Variants in MADD observed in about 807,000 individuals in gnomAD.
MADD encodes the protein MAP kinase-activating death domain protein.
In MADD, 109 loss-of-function variants were observed where a neutral mutation model predicts 176.7. That is an observed-to-expected ratio of 0.62 (90% confidence interval 0.53 to 0.72). The LOEUF is 0.72. Among genes scored for constraint, MADD ranks in the 30% least tolerant of loss-of-function variants. The probability of loss-of-function intolerance (pLI) is 0.00; values close to 1 mark genes in which losing one functional copy is unlikely to be tolerated. For synonymous variants in MADD, 771 were observed against 771.3 expected (o/e 1.00, Z 0.01); for missense variants, 1,914 against 2,045.5 (o/e 0.94, Z 1.24).
chr11:47,324,449 A>T (rs2095138007), intron 29 of MADD, 22 bp from the exon 33 acceptor site: 2 of 1,606,030 alleles, frequency 1.2e-6, no homozygotes, highest in African/African-American at 2.7e-5. Flanking sequence ...CAGTGAGCTG[A>T]TAGCCCCCTC....
rs374377879 is a variant in MADD, at chr11:47,290,567, C to T, written c.3095-43C>T. 3.4e-4 allele frequency: 537 copies of T among 1,577,432 alleles called. 8 individuals are homozygous for T. The Admixed American group carries it at 7.3e-3, about 22-fold the overall frequency. ...CCCACCTCATATCTGCGCCTTGATT[C>T]CTACTCACTACTTCTCTTGACCTCT... On this transcript the variant is annotated intron_variant, in intron 18 of 32. Transcript: ENST00000402192.
chr11:47,316,199 A>G (rs1478578956), intron 27 of MADD, among the ~76,000 whole-genome samples: 1 of 152,098 alleles, frequency 6.6e-6, no homozygotes, highest in Non-Finnish European at 1.5e-5. Context: ...AAAGATATCT[A>G]TATATAGATG....
exon 30 of MADD, chr11:47,324,550 G>A (rs1328281012): frequency 1.2e-6 from 2 of 1,613,806 alleles, no homozygotes; most frequent in South Asian, 1.1e-5. Flanking sequence ...CCCTGGAAGG[G>A]ATCAACCTCA....
rs759182916 is a variant in MADD at position 47,289,950 on chromosome 11, G to A, written c.2840G>A (p.Arg947His). The A allele has an allele frequency of 9.9e-6, 16 of 1,613,994 alleles. No homozygotes were observed. Among genetic ancestry groups the A allele is most frequent in the Non-Finnish European group, 1.3e-5 (15 of 1,180,038 alleles). ...GGCTGGCTCAACATGAAAAAGGTGC[G>A]CCGGCTGCTGGAGAGCGAGCAGCTG... is the stretch of plus-strand genomic sequence containing the variant. Residue 947 changes from arginine (R) to histidine (H), a missense_variant, in exon 17 of 33, where the codon CGC (arginine) becomes CAC (histidine). By Grantham distance (29) the Arg-to-His change is conservative. This residue lies in a region of MADD where 1,767 missense variants were observed against 1,836.0 expected (regional missense o/e 0.96). Coordinates refer to ENST00000402192, the Ensembl canonical transcript of MADD.
intron 15 of MADD, 25 bp from the exon 16 acceptor site, chr11:47,288,943 A>G (rs767104428): frequency 1.3e-6 from 2 of 1,565,648 alleles, no homozygotes; most frequent in East Asian, 2.3e-5. Context: ...TGGTACACCT[A>G]CTAATTGTGT....
intron 27 of MADD, among the ~76,000 whole-genome samples, chr11:47,322,841 TCTC>T (rs1565568246): frequency 1.3e-5 from 2 of 152,196 alleles, no homozygotes; most frequent in African/African-American, 4.8e-5. Flanking sequence ...TCTGTCATGA[TCTC>T]CTACCTTTGT....
In MADD at chr11:47,293,836, G is replaced by T. The variant is rs757887157; in HGVS notation, c.3302-47G>T. ...GCCGTCCCACCCCCTTTACCAGCCT[G>T]CCCCTAGCCTTTGTGCACGGAGTAA... is the stretch of plus-strand genomic sequence containing the variant. On this transcript the variant is annotated intron_variant, in intron 19 of 32. Coordinates refer to ENST00000402192, the Ensembl canonical transcript of MADD. 12 of 1,253,964 alleles carry T rather than the reference G, an allele frequency of 9.6e-6. No individual in the cohort carries two copies. The East Asian group carries it at 2.6e-4, about 27-fold the overall frequency. 77.7% of individuals were successfully genotyped at this position (1,253,964 alleles called of 1,614,324 possible).
intron 19 of MADD, chr11:47,292,563 G>C: frequency 1.2e-6 from 2 of 1,614,012 alleles, no homozygotes; most frequent in Non-Finnish European, 1.7e-6. Flanking sequence ...CAAGCACCAG[G>C]AAGTGAAAAA....
intron 27 of MADD, among the ~76,000 whole-genome samples, chr11:47,316,709 A>G (rs1184184782): frequency 1.3e-5 from 2 of 151,784 alleles, no homozygotes; most frequent in Non-Finnish European, 1.5e-5. Context: ...CTTTTATGCA[A>G]ACAATAAAAT....
At chr11:47,318,202 T>C (rs2093616645) in intron 27 of MADD, among the ~76,000 whole-genome samples, 1 of 152,214 alleles carries the variant, frequency 6.6e-6, no homozygotes, top group South Asian at 2.1e-4. Flanking sequence ...TGTTTTTAAT[T>C]CTGAAACAGA....
intron 16 of MADD, 102 bp from the exon 18 acceptor site, chr11:47,289,765 T>G: frequency 7.5e-7 from 1 of 1,329,604 alleles, no homozygotes; most frequent in Admixed American, 2.0e-5. Context: ...GAGACATGGC[T>G]TTGTGTTTTA....
chr11:47,274,974 G>A (rs1591656798), exon 3 of MADD: 1 of 1,614,156 alleles, frequency 6.2e-7, no homozygotes, highest in African/African-American at 1.3e-5. Flanking sequence ...AGTCTCCTCG[G>A]GGCAAACGCC....
intron 16 of MADD, 114 bp from the exon 18 acceptor site, chr11:47,289,753 C>A: frequency 8.1e-7 from 1 of 1,235,088 alleles, no homozygotes; most frequent in Non-Finnish European, 1.1e-6. Context: ...CTTGGACATT[C>A]AGAGACATGG....
In MADD at chr11:47,289,604, G is replaced by A. The variant is rs192329040; in HGVS notation, c.2756+111G>A. 90 of 931,706 alleles carry A rather than the reference G, an allele frequency of 9.7e-5. No homozygotes were observed. The Middle Eastern group carries it at 1.1e-3, about 11-fold the overall frequency. 57.7% of individuals were successfully genotyped at this position (931,706 alleles called of 1,614,324 possible). A position where few individuals can be genotyped will look rare whatever the true frequency, so the allele number is the denominator to read the frequency against. On this transcript the variant is annotated intron_variant, in intron 16 of 32. Transcript: ENST00000402192. ...GAGAGAAGCTCTCAATGGGGTAGAT[G>A]TAATCAATTTCTTGCCAGCACTTCT... is the stretch of plus-strand genomic sequence containing the variant.
At chr11:47,293,884 GCCTGAAGTAATCAAA>G in exon 20 of MADD, 13 of 1,610,336 alleles carry the variant, frequency 8.1e-6, no homozygotes, top group Non-Finnish European at 1.1e-5. Flanking sequence ...CCTACTCAGG[GCCTGAAGTAATCAAA>G]CCTGTCTTTG....
chr11:47,279,042 A>C (rs771262256), exon 7 of MADD: 1 of 1,614,124 alleles, frequency 6.2e-7, no homozygotes, highest in South Asian at 1.1e-5. Context: ...ATCCTGCCAG[A>C]ACCAGAATCA....
chr11:47,275,841 G>T lies in MADD; in HGVS notation c.660-58G>T. 3.4e-6 allele frequency: 5 copies of T among 1,481,436 alleles called. No individual in the cohort carries two copies. The South Asian group carries it at 6.3e-5, about 19-fold the overall frequency. 91.8% of individuals were successfully genotyped at this position (1,481,436 alleles called of 1,614,324 possible). On this transcript the variant is annotated intron_variant, in intron 3 of 32. Transcript: ENST00000402192. ...AGAGCCTCTGTGGTGATACTGAGTT[G>T]CAGTAGGGTATCAGCTTCTGATGCT...
At chr11:47,324,524 G>C in exon 30 of MADD, 1 of 1,614,102 alleles carries the variant, frequency 6.2e-7, no homozygotes, top group Non-Finnish European at 8.5e-7. Context: ...TGGTGAGGGT[G>C]GCCTGCTGCA....
intron 14 of MADD, among the ~76,000 whole-genome samples, 196 bp downstream of exon 14, chr11:47,285,786 T>C (rs2060198246): frequency 6.6e-6 from 1 of 151,668 alleles, no homozygotes; most frequent in African/African-American, 2.4e-5. Flanking sequence ...GATTAGTCAT[T>C]ATGCCTGGAC....
Sources: allele counts gnomAD v4.1 joint callset (sites outside exome capture counted in the v4.1 genomes callset), GRCh38; gene constraint gnomAD v4.1.1; regional missense constraint gnomAD v4.1.1; transcripts MANE v1.5; gene names NCBI Gene and HGNC (gene_info 2026-07-23, HGNC 2026-07-21).